The following VWC2L variants were observed in gnomAD, a reference collection of about 807,000 sequenced individuals.
The protein encoded by VWC2L is von Willebrand factor C domain-containing protein 2-like.
VWC2L carries 10 observed loss-of-function variants against 21.6 expected under a neutral mutation model. The ratio of observed to expected loss-of-function variants is 0.46; its 90% CI spans 0.29 to 0.78. The LOEUF (loss-of-function observed/expected upper bound fraction) is 0.78. VWC2L is among the 30% of genes least tolerant of loss of function. The probability of loss-of-function intolerance (pLI) is 0.10; values close to 1 mark genes in which losing one functional copy is unlikely to be tolerated. For synonymous variants in VWC2L, 96 were observed against 94.3 expected, an observed-to-expected ratio of 1.02 and a Z score of -0.10; for missense variants, 209 against 277.1, an observed-to-expected ratio of 0.75 and a Z score of 1.74.
At chr2:214,458,645 A>T (rs1703091255) in intron 3 of VWC2L, among the ~76,000 whole-genome samples, 1 of 152,018 alleles carries the variant, frequency 6.6e-6, no homozygotes, top group Admixed American at 6.6e-5. Context: ...ATTCCATTTG[A>T]GAATTTTTTC....
chr2:214,433,114 G>C (rs889821855), intron 2 of VWC2L, among the ~76,000 whole-genome samples: 1 of 145,838 alleles, frequency 6.9e-6, no homozygotes, highest in African/African-American at 2.5e-5. Flanking sequence ...CTAAGCTGGA[G>C]AAATAACAAA....
Position 214,436,670 on chromosome 2 carries a change from A to C in VWC2L, c.432A>C (p.Glu144Asp), listed in dbSNP as rs1249523522. Residue 144 changes from glutamate to aspartate, a missense_variant, in exon 3 of 4, where the codon GAA (glutamate) becomes GAC (aspartate). Coordinates refer to ENST00000312504, the MANE Select transcript of VWC2L (RefSeq NM_001080500.4). ...GGTGTCGCTGTGAGCCCAGCAATGA[A>C]GTTCACTGTGTTGTAGCAGACTGCG... ...CEWCRCEPSN[E>D]VHCVVADCAV... 13 of 1,613,406 alleles carry C rather than the reference A, an allele frequency of 8.1e-6. No individual in the cohort carries two copies. The highest frequency in any genetic ancestry group is 1.0e-5 in the Non-Finnish European group (12 of 1,179,444).
At chr2:214,454,819 G>C (rs150376219) in intron 3 of VWC2L, among the ~76,000 whole-genome samples, 1 of 151,712 alleles carries the variant, frequency 6.6e-6, no homozygotes, top group Non-Finnish European at 1.5e-5. Context: ...AGCCAGGATG[G>C]TCTTGATTTC....
chr2:214,439,853 G>C (rs2126180009), intron 3 of VWC2L, among the ~76,000 whole-genome samples: 1 of 151,840 alleles, frequency 6.6e-6, no homozygotes, highest in East Asian at 1.9e-4. Flanking sequence ...TATGTATGTA[G>C]TTTTTCCGTA....
intron 3 of VWC2L, among the ~76,000 whole-genome samples, chr2:214,504,286 G>A (rs993151107): frequency 4.6e-5 from 7 of 152,226 alleles, no homozygotes; most frequent in Admixed American, 1.3e-4. Context: ...AATGAGTGAT[G>A]TTGGAAGTAG....
intron 2 of VWC2L, among the ~76,000 whole-genome samples, chr2:214,433,757 G>A (rs1307676805): frequency 6.6e-6 from 1 of 152,156 alleles, no homozygotes; most frequent in South Asian, 2.1e-4. Flanking sequence ...GGGGCAGGCA[G>A]GAGCAATGGA....
At chr2:214,570,273 T>C (rs1326018415) in intron 3 of VWC2L, among the ~76,000 whole-genome samples, 1 of 152,254 alleles carries the variant, frequency 6.6e-6, no homozygotes, top group Non-Finnish European at 1.5e-5. Flanking sequence ...GTAAGATTTC[T>C]TTTGAATGAT....
intron 3 of VWC2L, among the ~76,000 whole-genome samples, chr2:214,496,194 T>A (rs1688808810): frequency 8.4e-6 from 1 of 119,338 alleles, no homozygotes; most frequent in South Asian, 2.5e-4. Flanking sequence ...ATAGTGAGCA[T>A]TTTTGTATCT....
chr2:214,494,065 G>A (rs966522425), intron 3 of VWC2L, among the ~76,000 whole-genome samples: 2 of 151,882 alleles, frequency 1.3e-5, no homozygotes, highest in Non-Finnish European at 1.5e-5. Context: ...AGTTCAAAAG[G>A]AAATCACTGG....
intron 3 of VWC2L, among the ~76,000 whole-genome samples, chr2:214,448,280 C>T (rs1367463897): frequency 6.6e-6 from 1 of 152,134 alleles, no homozygotes; most frequent in Non-Finnish European, 1.5e-5. Flanking sequence ...TAAATGAATC[C>T]ACACACACCC....
At chr2:214,471,794 T>C (rs1227580970) in intron 3 of VWC2L, among the ~76,000 whole-genome samples, 1 of 152,218 alleles carries the variant, frequency 6.6e-6, no homozygotes. Context: ...CTAGATGTGC[T>C]TTGCATACTA....
chr2:214,540,585 G>T (rs1689610547), intron 3 of VWC2L, among the ~76,000 whole-genome samples: 2 of 152,296 alleles, frequency 1.3e-5, no homozygotes, highest in South Asian at 4.1e-4. Context: ...AGGATGGAAG[G>T]CTTTTATTTC....
chr2:214,548,686 G>A (rs967100973), intron 3 of VWC2L, among the ~76,000 whole-genome samples: 3 of 152,158 alleles, frequency 2.0e-5, no homozygotes, highest in Non-Finnish European at 4.4e-5. Context: ...TGCTTTTGGT[G>A]GCCAACTATT....
At chr2:214,457,728 A>G (rs528797456) in intron 3 of VWC2L, among the ~76,000 whole-genome samples, 2 of 152,234 alleles carry the variant, frequency 1.3e-5, no homozygotes, top group South Asian at 4.1e-4. Flanking sequence ...GTGACTCTTG[A>G]GATGATCACA....
At chr2:214,498,362 A>C (rs1284904209) in intron 3 of VWC2L, among the ~76,000 whole-genome samples, 2 of 152,090 alleles carry the variant, frequency 1.3e-5, no homozygotes, top group African/African-American at 2.4e-5. Context: ...TGTGGTTTCA[A>C]AACACTCTGT....
At chr2:214,536,975 T>TACACAC (rs66826019) in intron 3 of VWC2L, 36,645 of 149,698 alleles carry the variant, frequency 0.24, 5,050 homozygotes, top group East Asian at 0.44. Flanking sequence ...AATTATTTCC[T>TACACAC]ACACACACAC....
At chr2:214,509,836 T>G (rs979018992) in intron 3 of VWC2L, among the ~76,000 whole-genome samples, 4 of 152,220 alleles carry the variant, frequency 2.6e-5, no homozygotes, top group African/African-American at 9.6e-5. Flanking sequence ...TTTTCATGAT[T>G]GTGGATTTAT....
At chr2:214,498,398 T>C (rs553017305) in intron 3 of VWC2L, among the ~76,000 whole-genome samples, 1 of 152,248 alleles carries the variant, frequency 6.6e-6, no homozygotes, top group South Asian at 2.1e-4. Context: ...TATTGTTCAA[T>C]GACCCCCATT....
chr2:214,438,570 A>G (rs1260985634), intron 3 of VWC2L, among the ~76,000 whole-genome samples: 1 of 152,086 alleles, frequency 6.6e-6, no homozygotes, highest in Admixed American at 6.6e-5. Context: ...GAACATGTAA[A>G]GCATACGTTT....
Sources: gnomAD v4.1 joint callset for allele counts (sites outside exome capture counted in the v4.1 genomes callset) on GRCh38, gnomAD v4.1.1 for gene constraint, MANE v1.5 for transcripts, NCBI Gene and HGNC (gene_info 2026-07-23, HGNC 2026-07-21) for gene names.